The following EPHA6 variants were observed in gnomAD, a reference collection of about 807,000 sequenced individuals.
EPHA6 encodes EPH receptor A6.
Under a neutral mutation model 112.0 loss-of-function variants are expected in EPHA6, and 50 were observed. The observed-to-expected ratio is 0.45, with a 90% CI of 0.36 to 0.56. The LOEUF is 0.56. Ranked by LOEUF, EPHA6 falls within the 20% of genes least tolerant of loss-of-function variation. The pLI is 0.00. For synonymous variants in EPHA6, 529 were observed against 490.7 expected, an observed-to-expected ratio of 1.08 and a Z score of -1.03; for missense variants, 1,280 against 1,417.4, an observed-to-expected ratio of 0.90 and a Z score of 1.56.
intron 3 of EPHA6, among the ~76,000 whole-genome samples, chr3:97,201,587 AT>A (rs1485955140): frequency 6.6e-6 from 1 of 152,142 alleles, no homozygotes; most frequent in African/African-American, 2.4e-5. Flanking sequence ...ACAAAATAAT[AT>A]TAATGACTAG....
At chr3:97,326,054 C>T (rs541469424) in intron 5 of EPHA6, among the ~76,000 whole-genome samples, 3 of 151,800 alleles carry the variant, frequency 2.0e-5, no homozygotes, top group Admixed American at 6.6e-5. Context: ...ATTACATGCA[C>T]AATATATTGT....
intron 10 of EPHA6, among the ~76,000 whole-genome samples, chr3:97,522,398 C>A (rs909439762): frequency 3.3e-5 from 5 of 152,174 alleles, no homozygotes; most frequent in Non-Finnish European, 7.4e-5. Flanking sequence ...GGGATAAATT[C>A]CAGTTGATCA....
chr3:97,330,232 A>T (rs1009714547), intron 5 of EPHA6, among the ~76,000 whole-genome samples: 12 of 152,118 alleles, frequency 7.9e-5, no homozygotes, highest in African/African-American at 2.9e-4. Context: ...CTTGTAGTAG[A>T]GTTTGAAGTC....
chr3:97,130,705 C>A (rs1459604593), intron 3 of EPHA6, among the ~76,000 whole-genome samples: 5 of 152,084 alleles, frequency 3.3e-5, no homozygotes, highest in African/African-American at 1.2e-4. Flanking sequence ...ATTCATCTGA[C>A]ATTAGGGGAA....
chr3:96,998,983 TCTTA>T lies in EPHA6; in HGVS notation c.1114+10994_1114+10997del, dbSNP rs1194953577. Among the ~76,000 whole-genome samples the T allele has an allele frequency of 5.3e-5, 8 of 152,026 alleles. 1 individual carries two copies. The South Asian group carries it at 1.7e-3, about 32-fold the overall frequency. ...TAGTTTTAGTTGTTAACTTTTTCGT[TCTTA>T]CTTTTTGTTTCATTTCTGCCTACTT... On this transcript the variant is annotated intron_variant, in intron 3 of 17. Coordinates refer to ENST00000389672, the MANE Select transcript of EPHA6 (RefSeq NM_001080448.3).
chr3:97,181,118 C>T (rs58509369), intron 3 of EPHA6, among the ~76,000 whole-genome samples: 8,520 of 152,040 alleles, frequency 0.056, 799 homozygotes, highest in African/African-American at 0.2. Context: ...GCACCAGGTG[C>T]GTTTGGTCTG....
At chr3:97,371,263 C>T (rs896412862) in intron 5 of EPHA6, among the ~76,000 whole-genome samples, 19 of 152,032 alleles carry the variant, frequency 1.2e-4, no homozygotes, top group Non-Finnish European at 1.5e-4. Context: ...AGAAAGTCAA[C>T]GCTCATTCAT....
At chr3:96,953,169 A>G (rs1472799479) in intron 2 of EPHA6, among the ~76,000 whole-genome samples, 1 of 152,166 alleles carries the variant, frequency 6.6e-6, no homozygotes, top group Non-Finnish European at 1.5e-5. Context: ...TATGCTAACC[A>G]AGGAGTTTAT....
rs910847324 is a variant in EPHA6 at position 96,943,686 on chromosome 3, A to G, written c.451-43644A>G. Among the ~76,000 whole-genome samples the G allele has an allele frequency of 9.8e-5, 15 of 152,320 alleles. No homozygotes were observed. The South Asian group carries it at 1.0e-3, about 11-fold the overall frequency. On this transcript the variant is annotated intron_variant, in intron 2 of 17. Coordinates refer to ENST00000389672, the MANE Select transcript of EPHA6 (RefSeq NM_001080448.3). ...TAATGTAGCGTTCTTTCACTTTTATAATGAAAGCAAAGTTGACTGTTGTAT... is the reference window on the plus strand; with the variant it reads ...TAATGTAGCGTTCTTTCACTTTTATGATGAAAGCAAAGTTGACTGTTGTAT...
chr3:97,382,268 C>G (rs917144621), intron 5 of EPHA6, among the ~76,000 whole-genome samples: 3 of 151,958 alleles, frequency 2.0e-5, no homozygotes, highest in African/African-American at 7.2e-5. Context: ...CATGAATTCT[C>G]TACTAAAAGA....
intron 3 of EPHA6, among the ~76,000 whole-genome samples, chr3:97,081,774 C>T (rs1321002493): frequency 9.3e-5 from 14 of 151,188 alleles, no homozygotes; most frequent in African/African-American, 3.4e-4. Context: ...TATACCATAA[C>T]AATAATACAA....
intron 3 of EPHA6, among the ~76,000 whole-genome samples, chr3:97,198,456 G>A (rs1340027566): frequency 6.6e-6 from 1 of 152,010 alleles, no homozygotes; most frequent in African/African-American, 2.4e-5. Context: ...TTTAGCCCGA[G>A]TACTATAGAA....
intron 2 of EPHA6, among the ~76,000 whole-genome samples, chr3:96,870,329 C>T (rs1057258014): frequency 3.9e-5 from 6 of 151,950 alleles, no homozygotes; most frequent in Admixed American, 2.6e-4. Flanking sequence ...GACCCAAGAA[C>T]GAGGAGCTCT....
At chr3:97,320,217 A>G (rs2082043845) in intron 5 of EPHA6, among the ~76,000 whole-genome samples, 1 of 152,056 alleles carries the variant, frequency 6.6e-6, no homozygotes, top group Non-Finnish European at 1.5e-5. Context: ...ATAAATTTTT[A>G]TTAGTGAACT....
chr3:97,626,417 G>A (rs910177697), intron 13 of EPHA6, among the ~76,000 whole-genome samples: 3 of 151,768 alleles, frequency 2.0e-5, no homozygotes, highest in African/African-American at 7.3e-5. Flanking sequence ...CTCCCCAAAT[G>A]TAAGAGTGAA....
intron 3 of EPHA6, among the ~76,000 whole-genome samples, chr3:97,116,314 A>G (rs1459849620): frequency 6.6e-6 from 1 of 151,674 alleles, no homozygotes; most frequent in Non-Finnish European, 1.5e-5. Context: ...GACCACAGTA[A>G]ATGAACATAT....
chr3:96,944,243 A>G (rs2041134338), intron 2 of EPHA6, among the ~76,000 whole-genome samples: 1 of 152,042 alleles, frequency 6.6e-6, no homozygotes, highest in South Asian at 2.1e-4. Context: ...TTAAACCCTC[A>G]TCTTACATGA....
chr3:96,915,574 C>G (rs1453458820), intron 2 of EPHA6, among the ~76,000 whole-genome samples: 1 of 152,058 alleles, frequency 6.6e-6, no homozygotes, highest in Non-Finnish European at 1.5e-5. Context: ...GATAAGGAAA[C>G]TGAAGCTCAT....
intron 1 of EPHA6, among the ~76,000 whole-genome samples, chr3:96,843,892 A>G (rs2034909546): frequency 6.6e-6 from 1 of 152,056 alleles, no homozygotes; most frequent in African/African-American, 2.4e-5. Flanking sequence ...TATTATTTGA[A>G]AAAAACCCAA....
Sources: gnomAD v4.1 joint callset for allele counts (sites outside exome capture counted in the v4.1 genomes callset) on GRCh38, gnomAD v4.1.1 for gene constraint, MANE v1.5 for transcripts, NCBI Gene and HGNC (gene_info 2026-07-23, HGNC 2026-07-21) for gene names.